The following MIS18A variants were observed in gnomAD, a reference collection of about 807,000 sequenced individuals.
MIS18A encodes protein Mis18-alpha.
MIS18A carries 14 observed loss-of-function variants against 25.0 expected under a neutral mutation model. The ratio of observed to expected loss-of-function variants is 0.56; its 90% CI spans 0.37 to 0.88. The LOEUF (loss-of-function observed/expected upper bound fraction) is 0.88, where lower values mean the gene tolerates loss of function less well. MIS18A is among the 40% of genes least tolerant of loss of function. MIS18A has a pLI of 0.00. For synonymous variants in MIS18A, 134 were observed against 118.6 expected (o/e 1.13, Z -0.84); for missense variants, 292 against 290.8 (o/e 1.00, Z -0.03).
At chr21:32,177,627 T>G in the MIS18A span, among the ~76,000 whole-genome samples, 3 of 152,130 alleles carry the variant, frequency 2.0e-5, no homozygotes, top group African/African-American at 4.8e-5. Flanking sequence ...AATTGTATTT[T>G]ATATATAAGG....
chr21:32,172,238 T>C, the MIS18A span, among the ~76,000 whole-genome samples: 3 of 152,178 alleles, frequency 2.0e-5, no homozygotes, highest in Non-Finnish European at 4.4e-5. Context: ...ATGTAGATTC[T>C]TCTAAAAATT....
the MIS18A span, among the ~76,000 whole-genome samples, chr21:32,258,530 C>A: frequency 6.6e-6 from 1 of 152,120 alleles, no homozygotes; most frequent in African/African-American, 2.4e-5. Context: ...TGAAATGCGG[C>A]CCCTTGTGGC....
chr21:32,171,088 C>G, the MIS18A span, among the ~76,000 whole-genome samples: 1 of 152,058 alleles, frequency 6.6e-6, no homozygotes, highest in Non-Finnish European at 1.5e-5. Flanking sequence ...ACAAGGATGT[C>G]CATTCTTGCC....
chr21:32,273,151 A>G (rs1023819362), intron 2 of MIS18A, among the ~76,000 whole-genome samples: 5 of 150,154 alleles, frequency 3.3e-5, no homozygotes, highest in East Asian at 1.9e-4. Context: ...GAAGAGATAC[A>G]TAGGGCAAAG....
chr21:32,242,707 G>A, the MIS18A span, among the ~76,000 whole-genome samples: 9 of 152,282 alleles, frequency 5.9e-5, no homozygotes, highest in South Asian at 1.9e-3. Context: ...GGAAGGTCCT[G>A]TGCTGGGCTT....
At chr21:32,168,444 G>C in the MIS18A span, among the ~76,000 whole-genome samples, 1 of 152,154 alleles carries the variant, frequency 6.6e-6, no homozygotes. Flanking sequence ...TGTTAAAAAT[G>C]GACTTATTTA....
At chr21:32,259,408 C>A in the MIS18A span, among the ~76,000 whole-genome samples, 2 of 152,168 alleles carry the variant, frequency 1.3e-5, no homozygotes, top group Non-Finnish European at 2.9e-5. Flanking sequence ...GCTCAAGGGC[C>A]TCCTTACCTC....
chr21:32,217,080 G>A, the MIS18A span, among the ~76,000 whole-genome samples: 2 of 151,980 alleles, frequency 1.3e-5, no homozygotes, highest in African/African-American at 4.8e-5. Context: ...AAAAAATTAT[G>A]AGACATACAA....
the MIS18A span, among the ~76,000 whole-genome samples, chr21:32,180,207 C>T: frequency 6.6e-6 from 1 of 152,212 alleles, no homozygotes; most frequent in African/African-American, 2.4e-5. Context: ...CGCTTTCAGA[C>T]AGGTGAACCT....
At chr21:32,199,425 G>A in the MIS18A span, among the ~76,000 whole-genome samples, 92 of 151,528 alleles carry the variant, frequency 6.1e-4, 1 homozygote, top group South Asian at 6.9e-3. Context: ...ATTTTGCCTT[G>A]AAAACAGAAA....
chr21:32,241,857 C>G, the MIS18A span, among the ~76,000 whole-genome samples: 1 of 151,718 alleles, frequency 6.6e-6, no homozygotes, highest in Non-Finnish European at 1.5e-5. Context: ...CAATTTCATA[C>G]CAGAAAGGAT....
At chr21:32,196,057 C>T in the MIS18A span, among the ~76,000 whole-genome samples, 61 of 151,774 alleles carry the variant, frequency 4.0e-4, no homozygotes, top group Middle Eastern at 3.2e-3. Flanking sequence ...GTGATGGTTA[C>T]TTTTATGTGT....
chr21:32,227,132 T>C, the MIS18A span, among the ~76,000 whole-genome samples: 1 of 151,746 alleles, frequency 6.6e-6, no homozygotes, highest in Non-Finnish European at 1.5e-5. Flanking sequence ...TGATCTTAAA[T>C]GAATAACCAC....
the MIS18A span, among the ~76,000 whole-genome samples, chr21:32,185,871 A>G: frequency 6.6e-6 from 1 of 152,124 alleles, no homozygotes; most frequent in South Asian, 2.1e-4. Context: ...GCACCGCCAC[A>G]TCGTATTTCC....
chr21:32,249,337 T>C, the MIS18A span, among the ~76,000 whole-genome samples: 1 of 152,272 alleles, frequency 6.6e-6, no homozygotes, highest in East Asian at 1.9e-4. Flanking sequence ...AGCCTGTGCC[T>C]CCTTGTCTTC....
At chr21:32,278,137 G>C (rs1158609331) in intron 1 of MIS18A, 1 of 152,826 alleles carries the variant, frequency 6.5e-6, no homozygotes, top group African/African-American at 2.4e-5. Context: ...GCCTTCTTCT[G>C]AACTCTTTTG....
chr21:32,274,685 A>C, intron 2 of MIS18A, 145 bp downstream of exon 2: 1 of 641,630 alleles, frequency 1.6e-6, no homozygotes, highest in South Asian at 2.2e-5. Context: ...AAAGCAAAAA[A>C]AAGAACTGAT....
Position 32,268,776 on chromosome 21 carries a change from A to T in MIS18A, c.*261T>A, listed in dbSNP as rs968871440. The stretch of plus-strand genomic sequence containing the variant: ...CTTTATCATAAAATATAGCTATAGA[A>T]GTAATTCTACAATTTTGGGTTTTTT... On this transcript the variant is annotated 3_prime_UTR_variant, in exon 5 of 5. Transcript: ENST00000290130. 37 of 302,572 alleles carry T rather than the reference A, an allele frequency of 1.2e-4. No individual in the cohort carries two copies. Among genetic ancestry groups the T allele is most frequent in the Admixed American group, 2.0e-4 (4 of 19,714 alleles). The allele number at this position is 302,572 out of a possible 1,614,324, so 18.7% of individuals were successfully genotyped here.
At chr21:32,245,929 G>T in the MIS18A span, among the ~76,000 whole-genome samples, 1 of 152,180 alleles carries the variant, frequency 6.6e-6, no homozygotes, top group Non-Finnish European at 1.5e-5. Flanking sequence ...CGGTTCTGCA[G>T]GCTGTACAGG....
Sources: allele counts gnomAD v4.1 joint callset (sites outside exome capture counted in the v4.1 genomes callset), GRCh38; gene constraint gnomAD v4.1.1; transcripts MANE v1.5; gene names NCBI Gene and HGNC (gene_info 2026-07-23, HGNC 2026-07-21).